Variants in ZNF600 observed in about 807,000 individuals in gnomAD.
The protein encoded by ZNF600 is zinc finger protein KR-ZNF1.
In ZNF600, 4 loss-of-function variants were observed where a neutral mutation model predicts 7.3. The ratio of observed to expected loss-of-function variants is 0.55; its 90% CI spans 0.27 to 1.25. ZNF600 has a LOEUF of 1.25. Ranked by LOEUF, ZNF600 falls within the 50% of genes most tolerant of loss-of-function variation. ZNF600 has a pLI of 0.12. For synonymous variants in ZNF600, 290 were observed against 308.9 expected (o/e 0.94, Z 0.64); for missense variants, 911 against 922.1 (o/e 0.99, Z 0.16).
At chr19:52,810,555 C>A in the ZNF600 span, 18 of 1,595,130 alleles carry the variant, frequency 1.1e-5, no homozygotes, top group East Asian at 3.8e-4. Context: ...GGCATCAGCA[C>A]AACAGACCGG....
chr19:52,811,489 G>C, the ZNF600 span, among the ~76,000 whole-genome samples: 1 of 148,640 alleles, frequency 6.7e-6, no homozygotes, highest in South Asian at 2.1e-4. Flanking sequence ...GAAGTGAGGA[G>C]CGTCTCTGCC....
At chr19:52,808,736 C>T in the ZNF600 span, among the ~76,000 whole-genome samples, 10 of 152,022 alleles carry the variant, frequency 6.6e-5, no homozygotes, top group African/African-American at 1.2e-4. Context: ...ATGGCTTGAC[C>T]CTGAGGGTGG....
chr19:52,804,578 C>T, the ZNF600 span, among the ~76,000 whole-genome samples: 3 of 152,160 alleles, frequency 2.0e-5, no homozygotes, highest in African/African-American at 7.2e-5. Context: ...ACCATATTGG[C>T]CAGGCTTGTC....
intron 3 of ZNF600, 117 bp downstream of exon 5, chr19:52,774,458 C>CAAA (rs35098902): frequency 1.0e-3 from 840 of 813,472 alleles, no homozygotes; most frequent in African/African-American, 0.01. Flanking sequence ...AAAAAACAAC[C>CAAA]AAAAAAAAAA....
At chr19:52,801,486 G>C in the ZNF600 span, 1 of 1,614,098 alleles carries the variant, frequency 6.2e-7, no homozygotes, top group Non-Finnish European at 8.5e-7. Context: ...TGTACTACCA[G>C]TCAACTCTTT....
At chr19:52,799,465 G>C in the ZNF600 span, 28 of 870,456 alleles carry the variant, frequency 3.2e-5, no homozygotes, top group South Asian at 4.2e-4. Flanking sequence ...TGAATTCTAT[G>C]ATGACGTGCA....
At chr19:52,789,932 A>G (rs2147599739), upstream of ZNF600, among the ~76,000 whole-genome samples, 1 of 152,070 alleles carries the variant, frequency 6.6e-6, no homozygotes, top group East Asian at 1.9e-4. Context: ...AAGGAAAACT[A>G]CAGTCAAAGG....
chr19:52,824,618 T>C, the ZNF600 span, among the ~76,000 whole-genome samples: 7 of 151,918 alleles, frequency 4.6e-5, no homozygotes, highest in South Asian at 4.2e-4. Context: ...CTGGGTGACA[T>C]AGAGAGACTC....
chr19:52,772,289 G>A (rs973655414), intron 3 of ZNF600, among the ~76,000 whole-genome samples: 1 of 151,890 alleles, frequency 6.6e-6, no homozygotes, highest in Non-Finnish European at 1.5e-5. Flanking sequence ...GCCTGGGCAA[G>A]AAGAGGGAAA....
At chr19:52,772,321 G>C (rs2062636472) in intron 3 of ZNF600, among the ~76,000 whole-genome samples, 1 of 151,840 alleles carries the variant, frequency 6.6e-6, no homozygotes, top group South Asian at 2.1e-4. Context: ...AAACAAAAAA[G>C]GCCAGACACA....
chr19:52,772,204 A>G (rs1055406017), intron 3 of ZNF600, among the ~76,000 whole-genome samples: 1 of 152,046 alleles, frequency 6.6e-6, no homozygotes, highest in African/African-American at 2.4e-5. Context: ...GCTACTTGGG[A>G]CCCTGAGGCT....
chr19:52,767,164 G>A, exon 4 of ZNF600: 1 of 1,614,150 alleles, frequency 6.2e-7, no homozygotes, highest in East Asian at 2.2e-5. Flanking sequence ...TGATTAAAGA[G>A]CTTGCCACAT....
At chr19:52,775,545 T>A (rs1332341495) in intron 2 of ZNF600, among the ~76,000 whole-genome samples, 2 of 152,028 alleles carry the variant, frequency 1.3e-5, no homozygotes, top group African/African-American at 4.8e-5. Context: ...CAAGACTCCA[T>A]CTCAAAAACA....
chr19:52,817,820 C>T, the ZNF600 span: 2 of 1,557,738 alleles, frequency 1.3e-6, no homozygotes, highest in Non-Finnish European at 1.8e-6. Flanking sequence ...TGAAGGAAGG[C>T]ATGGGTGAGG....
chr19:52,803,802 C>CA, the ZNF600 span, among the ~76,000 whole-genome samples: 1 of 151,618 alleles, frequency 6.6e-6, no homozygotes, highest in Non-Finnish European at 1.5e-5. Flanking sequence ...ACTAAAAATA[C>CA]AAAAAAATTA....
chr19:52,801,382 G>A, the ZNF600 span: 1 of 1,614,220 alleles, frequency 6.2e-7, no homozygotes, highest in Non-Finnish European at 8.5e-7. Flanking sequence ...CCTTCAGGCT[G>A]AAATATGTGC....
chr19:52,832,069 G>A, the ZNF600 span, among the ~76,000 whole-genome samples: 2 of 106,048 alleles, frequency 1.9e-5, no homozygotes, highest in African/African-American at 3.1e-5. Flanking sequence ...ACGTATTCAT[G>A]CACACACATC....
chr19:52,810,691 C>G, the ZNF600 span: 2 of 806,732 alleles, frequency 2.5e-6, no homozygotes, highest in African/African-American at 3.5e-5. Flanking sequence ...AGCGACATCA[C>G]GGTATTCCCC....
the ZNF600 span, among the ~76,000 whole-genome samples, chr19:52,820,138 T>G: frequency 1.2e-4 from 11 of 92,856 alleles, 2 homozygotes; most frequent in East Asian, 2.5e-3. Flanking sequence ...TGAGACGGAG[T>G]CTCGCTCTGT....
Sources: allele counts gnomAD v4.1 joint callset (sites outside exome capture counted in the v4.1 genomes callset), GRCh38; gene constraint gnomAD v4.1.1; transcripts MANE v1.5; gene names NCBI Gene and HGNC (gene_info 2026-07-23, HGNC 2026-07-21).